PDE3A: variants seen among roughly 807,000 people sequenced by gnomAD.
The protein encoded by PDE3A is cGMP-inhibited 3',5'-cyclic phosphodiesterase 3A.
Under a neutral mutation model 98.3 loss-of-function variants are expected in PDE3A, and 43 were observed. The ratio of observed to expected loss-of-function variants is 0.44; its 90% confidence interval spans 0.34 to 0.56. The LOEUF (loss-of-function observed/expected upper bound fraction) is 0.56, where lower values mean the gene tolerates loss of function less well. Among genes scored for constraint, PDE3A ranks in the 20% least tolerant of loss-of-function variants. The pLI is 0.01. For synonymous variants in PDE3A, 663 were observed against 567.9 expected, an observed-to-expected ratio of 1.17 and a Z score of -2.38; for missense variants, 1,427 against 1,440.7, an observed-to-expected ratio of 0.99 and a Z score of 0.15.
At chr12:20,461,002 T>G (rs1310586181) in intron 1 of PDE3A, among the ~76,000 whole-genome samples, 1 of 152,120 alleles carries the variant, frequency 6.6e-6, no homozygotes, top group Non-Finnish European at 1.5e-5. Flanking sequence ...TTTCTTGAAA[T>G]GTAGAGTCCG....
chr12:20,423,621 C>T (rs1043530572), intron 1 of PDE3A, among the ~76,000 whole-genome samples: 133 of 152,268 alleles, frequency 8.7e-4, no homozygotes, highest in African/African-American at 3.1e-3. Flanking sequence ...AGTGGACTCT[C>T]ATGCGTAAGA....
At chr12:20,380,714 T>G (rs573740359) in intron 1 of PDE3A, among the ~76,000 whole-genome samples, 1 of 151,774 alleles carries the variant, frequency 6.6e-6, no homozygotes. Flanking sequence ...AGGCAGACTT[T>G]TTAGAGAGAT....
intron 1 of PDE3A, among the ~76,000 whole-genome samples, chr12:20,388,471 T>C (rs1943853400): frequency 6.6e-6 from 1 of 152,016 alleles, no homozygotes; most frequent in Non-Finnish European, 1.5e-5. Context: ...GTCTTTTTGT[T>C]TTAGACGTGG....
chr12:20,575,657 A>G (rs750515854), intron 2 of PDE3A, among the ~76,000 whole-genome samples: 1 of 152,004 alleles, frequency 6.6e-6, no homozygotes, highest in Admixed American at 6.6e-5. Context: ...ACAGACTTTC[A>G]TCCAAGTGAA....
At chr12:20,511,890 A>G (rs2121118846) in intron 1 of PDE3A, among the ~76,000 whole-genome samples, 1 of 152,256 alleles carries the variant, frequency 6.6e-6, no homozygotes, top group South Asian at 2.1e-4. Context: ...ATATGATGTA[A>G]TTAGAATACC....
chr12:20,615,461 T>G (rs867724071), intron 3 of PDE3A, among the ~76,000 whole-genome samples: 11 of 152,142 alleles, frequency 7.2e-5, no homozygotes, highest in Non-Finnish European at 1.0e-4. Context: ...AGACTTGAGC[T>G]CCTTTCATTT....
chr12:20,606,129 C>CT (rs1341697175), intron 2 of PDE3A, among the ~76,000 whole-genome samples: 1 of 152,126 alleles, frequency 6.6e-6, no homozygotes, highest in African/African-American at 2.4e-5. Flanking sequence ...TATGTTGACC[C>CT]TACCATTTCT....
chr12:20,665,132 T>C (rs1424414911), intron 15 of PDE3A, among the ~76,000 whole-genome samples: 3 of 152,154 alleles, frequency 2.0e-5, no homozygotes, highest in Non-Finnish European at 2.9e-5. Context: ...AAAGACTCCA[T>C]AAGACTCAGT....
chr12:20,519,903 C>T (rs1220240500), intron 1 of PDE3A, among the ~76,000 whole-genome samples: 5 of 152,146 alleles, frequency 3.3e-5, no homozygotes, highest in Admixed American at 2.6e-4. Flanking sequence ...GCTCCAGGTA[C>T]TTTGCTAAGG....
At chr12:20,666,788 A>G (rs34167698) in intron 15 of PDE3A, among the ~76,000 whole-genome samples, 5,255 of 152,274 alleles carry the variant, frequency 0.035, 121 homozygotes, top group Middle Eastern at 0.061. Flanking sequence ...CCTTTGATAA[A>G]TACCCAGTAG....
Position 20,622,384 on chromosome 12 carries a change from G to A in PDE3A, c.1540+973G>A, listed in dbSNP as rs180975234. Among the ~76,000 whole-genome samples the A allele has an allele frequency of 3.2e-3, 484 of 152,228 alleles. 2 individuals are homozygous for A. The highest frequency in any genetic ancestry group is 5.0e-3 in the Non-Finnish European group (340 of 68,000). On this transcript the variant is annotated intron_variant, in intron 5 of 15. Transcript: ENST00000359062. ...CAGGATTTTGGCTCACCTTTCTGAGGTTCTCTTCTTTATGGGAACCTAGTC... is the reference window on the plus strand; with the variant it reads ...CAGGATTTTGGCTCACCTTTCTGAGATTCTCTTCTTTATGGGAACCTAGTC...
intron 1 of PDE3A, among the ~76,000 whole-genome samples, chr12:20,515,964 C>T (rs2121132515): frequency 6.7e-6 from 1 of 150,322 alleles, no homozygotes; most frequent in Admixed American, 6.6e-5. Context: ...GATCTCCTGA[C>T]CTCGTGATCC....
At chr12:20,402,675 G>A (rs1944154692) in intron 1 of PDE3A, among the ~76,000 whole-genome samples, 1 of 152,058 alleles carries the variant, frequency 6.6e-6, no homozygotes, top group Non-Finnish European at 1.5e-5. Flanking sequence ...AAAAAATTTT[G>A]AGCAAATAAT....
At chr12:20,627,864 T>C (rs1422358842) in intron 5 of PDE3A, among the ~76,000 whole-genome samples, 2 of 152,186 alleles carry the variant, frequency 1.3e-5, no homozygotes, top group African/African-American at 2.4e-5. Flanking sequence ...GTAAACTTTC[T>C]ACCACATCAT....
At chr12:20,484,238 A>G (rs1365856487) in intron 1 of PDE3A, among the ~76,000 whole-genome samples, 1 of 152,222 alleles carries the variant, frequency 6.6e-6, no homozygotes, top group Non-Finnish European at 1.5e-5. Context: ...AGTAGTTACT[A>G]TAATTTCCTT....
chr12:20,566,258 G>A (rs1308110728), intron 2 of PDE3A, among the ~76,000 whole-genome samples: 1 of 151,028 alleles, frequency 6.6e-6, no homozygotes, highest in African/African-American at 2.4e-5. Context: ...AGCGATTCTT[G>A]GAAAACTCTT....
At chr12:20,514,168 A>G (rs1329492402) in intron 1 of PDE3A, among the ~76,000 whole-genome samples, 2 of 152,238 alleles carry the variant, frequency 1.3e-5, no homozygotes, top group Non-Finnish European at 2.9e-5. Flanking sequence ...TTCAAAGAAG[A>G]TATCAAAATT....
At chr12:20,439,619 C>G (rs1481889007) in intron 1 of PDE3A, among the ~76,000 whole-genome samples, 1 of 152,156 alleles carries the variant, frequency 6.6e-6, no homozygotes, top group African/African-American at 2.4e-5. Flanking sequence ...ATGCTGCGAG[C>G]AAAATGGGTG....
At chr12:20,453,366 G>C (rs1013272902) in intron 1 of PDE3A, among the ~76,000 whole-genome samples, 5 of 152,016 alleles carry the variant, frequency 3.3e-5, no homozygotes, top group African/African-American at 1.2e-4. Context: ...TTTTAGTGGA[G>C]ATGGGGTTTC....
Sources: gnomAD v4.1 joint callset for allele counts (sites outside exome capture counted in the v4.1 genomes callset) on GRCh38, gnomAD v4.1.1 for gene constraint, MANE v1.5 for transcripts, NCBI Gene and HGNC (gene_info 2026-07-23, HGNC 2026-07-21) for gene names.